Variants in EYS observed in about 807,000 individuals in gnomAD.
The protein encoded by EYS is EGF-like photoreceptor maintenance factor.
EYS carries 250 observed loss-of-function variants against 282.1 expected under a neutral mutation model. That is an observed-to-expected ratio of 0.89 (90% confidence interval 0.80 to 0.98). EYS has a LOEUF of 0.98. Ranked by LOEUF, EYS falls within the 50% of genes least tolerant of loss-of-function variation. EYS has a pLI of 0.00. For missense variants in EYS, 4,016 were observed against 3,709.0 expected, an observed-to-expected ratio of 1.08 and a Z score of -2.15; for synonymous variants, 1,355 against 1,282.9, an observed-to-expected ratio of 1.06 and a Z score of -1.20.
At chr6:65,687,073 G>A (rs891483219) in intron 1 of EYS, among the ~76,000 whole-genome samples, 2 of 151,904 alleles carry the variant, frequency 1.3e-5, no homozygotes, top group Non-Finnish European at 1.5e-5. Context: ...CTAGTTTCAC[G>A]CATGAGTGAT....
At chr6:65,400,653 A>G (rs1766458520) in intron 7 of EYS, among the ~76,000 whole-genome samples, 1 of 152,002 alleles carries the variant, frequency 6.6e-6, no homozygotes, top group Non-Finnish European at 1.5e-5. Context: ...AAAAATTTCC[A>G]TAACCAATGT....
At chr6:64,658,415 G>A (rs1768845188) in intron 22 of EYS, among the ~76,000 whole-genome samples, 1 of 152,146 alleles carries the variant, frequency 6.6e-6, no homozygotes, top group Admixed American at 6.5e-5. Flanking sequence ...TCCTTTGGAG[G>A]AGGAGAGGTA....
Position 65,390,128 on chromosome 6 carries a change from T to A in EYS, c.1185-5628A>T, listed in dbSNP as rs556240139. On this transcript the variant is annotated intron_variant, in intron 7 of 42. Transcript: ENST00000503581. ...GTGCAATTACAGGCATGATAACTTA[T>A]AGGATAAGACCATGGGAGATGGACT... is the stretch of plus-strand genomic sequence containing the variant. Among the ~76,000 whole-genome samples, 5 of 151,886 alleles carry A rather than the reference T, an allele frequency of 3.3e-5. No homozygotes were observed. In the South Asian group the frequency reaches 6.2e-4, roughly 19 times the overall value.
intron 35 of EYS, among the ~76,000 whole-genome samples, chr6:63,934,430 C>G (rs1262162908): frequency 2.0e-5 from 3 of 152,108 alleles, no homozygotes; most frequent in African/African-American, 4.8e-5. Flanking sequence ...AATCATGCTG[C>G]TATAAAGACA....
At chr6:65,082,206 TTAA>T (rs1774247373) in intron 12 of EYS, among the ~76,000 whole-genome samples, 1 of 152,094 alleles carries the variant, frequency 6.6e-6, no homozygotes, top group Non-Finnish European at 1.5e-5. Context: ...TCAAGCATAG[TTAA>T]TAATAAAATC....
chr6:63,762,433 A>G (rs1175873127), intron 41 of EYS, 28 bp downstream of exon 41: 4 of 1,544,530 alleles, frequency 2.6e-6, no homozygotes, highest in Non-Finnish European at 3.5e-6. Context: ...ATTTGTGGAC[A>G]GCAAAATGAT....
chr6:64,976,013 C>A (rs1340443763), intron 14 of EYS, among the ~76,000 whole-genome samples: 1 of 151,616 alleles, frequency 6.6e-6, no homozygotes, highest in Non-Finnish European at 1.5e-5. Context: ...TTAAAATAAA[C>A]TAGTTTGACT....
chr6:64,500,533 T>C (rs568001747), intron 26 of EYS, among the ~76,000 whole-genome samples: 3 of 152,006 alleles, frequency 2.0e-5, no homozygotes, highest in African/African-American at 7.2e-5. Context: ...GAAAAAAAAA[T>C]TGTGTAGGTA....
At chr6:63,810,774 G>A (rs1002326700) in intron 36 of EYS, among the ~76,000 whole-genome samples, 10 of 152,116 alleles carry the variant, frequency 6.6e-5, no homozygotes, top group Non-Finnish European at 2.9e-5. Flanking sequence ...TTCCAGTCAA[G>A]TCACTTTCCC....
At chr6:65,108,230 C>T (rs551307648) in intron 12 of EYS, among the ~76,000 whole-genome samples, 3 of 152,214 alleles carry the variant, frequency 2.0e-5, no homozygotes, top group African/African-American at 7.2e-5. Context: ...TAAAATATCT[C>T]TATCACTTCT....
intron 12 of EYS, among the ~76,000 whole-genome samples, chr6:65,226,883 G>T (rs1033757646): frequency 6.6e-6 from 1 of 152,032 alleles, no homozygotes; most frequent in Non-Finnish European, 1.5e-5. Flanking sequence ...AATATCCATC[G>T]GATGATAAAT....
chr6:64,852,680 A>C (rs1389026517), intron 19 of EYS, among the ~76,000 whole-genome samples: 1 of 152,106 alleles, frequency 6.6e-6, no homozygotes, highest in Non-Finnish European at 1.5e-5. Context: ...TGTCTTTATA[A>C]GATTGGGTGA....
intron 29 of EYS, among the ~76,000 whole-genome samples, chr6:64,351,494 C>T (rs650553): frequency 0.72 from 108,559 of 151,238 alleles, 39,161 homozygotes; most frequent in African/African-American, 0.79. Context: ...TATCTATCTA[C>T]AGATACAACA....
chr6:63,999,260 G>C, intron 33 of EYS, 77 bp from the exon 34 acceptor site: 1 of 895,672 alleles, frequency 1.1e-6, no homozygotes, highest in Non-Finnish European at 1.8e-6. Flanking sequence ...TGGATAGTAA[G>C]TACTTCTTCA....
At chr6:65,132,837 A>C (rs531278991) in intron 12 of EYS, among the ~76,000 whole-genome samples, 1 of 152,044 alleles carries the variant, frequency 6.6e-6, no homozygotes, top group South Asian at 2.1e-4. Context: ...CAAAAGTTCC[A>C]TCAGCTAATA....
intron 12 of EYS, among the ~76,000 whole-genome samples, chr6:65,224,186 A>G (rs568334695): frequency 3.3e-5 from 5 of 152,166 alleles, no homozygotes; most frequent in Admixed American, 1.3e-4. Context: ...CAGTCTCAAA[A>G]TATTAAAAAA....
At chr6:64,656,747 A>G (rs918221295) in intron 22 of EYS, among the ~76,000 whole-genome samples, 1 of 152,170 alleles carries the variant, frequency 6.6e-6, no homozygotes, top group Non-Finnish European at 1.5e-5. Flanking sequence ...TGGGAGGATG[A>G]GAAGGGGAAG....
chr6:63,734,865 C>T (rs542694282), intron 41 of EYS, among the ~76,000 whole-genome samples: 10 of 151,836 alleles, frequency 6.6e-5, no homozygotes, highest in Non-Finnish European at 7.4e-5. Flanking sequence ...CAACAGAGAT[C>T]GGTAAGGAAT....
At chr6:63,906,332 C>T (rs952663855) in intron 35 of EYS, among the ~76,000 whole-genome samples, 2 of 152,194 alleles carry the variant, frequency 1.3e-5, no homozygotes, top group Non-Finnish European at 2.9e-5. Context: ...CCACAAATTA[C>T]GGCACCTATT....
Sources: gnomAD v4.1 joint callset for allele counts (sites outside exome capture counted in the v4.1 genomes callset) on GRCh38, gnomAD v4.1.1 for gene constraint, MANE v1.5 for transcripts, NCBI Gene and HGNC (gene_info 2026-07-23, HGNC 2026-07-21) for gene names.